MERTK: variants seen among roughly 807,000 people sequenced by gnomAD.
MERTK encodes tyrosine-protein kinase Mer.
MERTK carries 69 observed loss-of-function variants against 99.3 expected under a neutral mutation model. The observed-to-expected ratio is 0.70, with a 90% CI of 0.57 to 0.85. The LOEUF (loss-of-function observed/expected upper bound fraction) is 0.85. Ranked by LOEUF, MERTK falls within the 40% of genes least tolerant of loss-of-function variation. MERTK has a pLI of 0.00. For synonymous variants in MERTK, 426 were observed against 467.6 expected (o/e 0.91, Z 1.15); for missense variants, 1,125 against 1,249.4 (o/e 0.90, Z 1.50).
chr2:112,003,961 A>T lies in MERTK; in HGVS notation c.1844A>T (p.Lys615Ile). 1 of 1,613,550 alleles carries T rather than the reference A, an allele frequency of 6.2e-7. No homozygotes were observed. The highest frequency in any genetic ancestry group is 8.5e-7 in the Non-Finnish European group (1 of 1,179,516). The change falls in exon 13 of 19, where the codon AAA becomes ATA. Residue 615 changes from lysine to isoleucine, a missense_variant. Coordinates refer to ENST00000295408, the MANE Select transcript of MERTK (RefSeq NM_006343.3). ...AAGCAGGAAGATGGGACCTCTCTGAAAGTGGCAGTGAAGACCATGAAGTGT... is the reference window on the plus strand; with the variant it reads ...AAGCAGGAAGATGGGACCTCTCTGATAGTGGCAGTGAAGACCATGAAGTGT... ...NLKQEDGTSL[K>I]VAVKTMKLDN... is the part of the protein sequence containing the mutation.
chr2:111,987,580 G>C (rs1436399200), intron 8 of MERTK, among the ~76,000 whole-genome samples: 1 of 152,154 alleles, frequency 6.6e-6, no homozygotes, highest in African/African-American at 2.4e-5. Flanking sequence ...AAACCAGCTG[G>C]AGAATTTCTC....
At chr2:112,011,044 G>A (rs895093291) in intron 15 of MERTK, among the ~76,000 whole-genome samples, 21 of 151,608 alleles carry the variant, frequency 1.4e-4, no homozygotes, top group South Asian at 6.2e-4. Flanking sequence ...GGAAGGAACC[G>A]AACCACCCAG....
intron 6 of MERTK, among the ~76,000 whole-genome samples, chr2:111,969,942 C>T (rs1006740353): frequency 2.0e-5 from 3 of 152,046 alleles, no homozygotes; most frequent in Admixed American, 6.6e-5. Flanking sequence ...CCGCCTGTCC[C>T]GGCCTCCCAA....
At chr2:111,937,836 C>G (rs1313870963) in intron 2 of MERTK, among the ~76,000 whole-genome samples, 2 of 152,100 alleles carry the variant, frequency 1.3e-5, no homozygotes, top group African/African-American at 4.8e-5. Context: ...ACCATGTGAA[C>G]GGTGGCAGGT....
At chr2:111,915,475 T>G (rs1354470148) in intron 1 of MERTK, among the ~76,000 whole-genome samples, 7 of 152,170 alleles carry the variant, frequency 4.6e-5, no homozygotes, top group African/African-American at 9.7e-5. Context: ...TTTCCTCTAT[T>G]TTAATACTAT....
At chr2:112,025,115 C>A (rs1324464929) in intron 18 of MERTK, among the ~76,000 whole-genome samples, 1 of 152,204 alleles carries the variant, frequency 6.6e-6, no homozygotes, top group African/African-American at 2.4e-5. Flanking sequence ...GTTGGCGTGA[C>A]TTCAGTCAGT....
intron 5 of MERTK, among the ~76,000 whole-genome samples, chr2:111,966,246 C>A (rs907223773): frequency 2.0e-5 from 3 of 152,104 alleles, no homozygotes; most frequent in Non-Finnish European, 4.4e-5. Flanking sequence ...TGGGTACATA[C>A]AGAAGGAGAC....
chr2:111,920,134 G>C (rs1684428267), intron 1 of MERTK, among the ~76,000 whole-genome samples: 1 of 152,162 alleles, frequency 6.6e-6, no homozygotes, highest in Non-Finnish European at 1.5e-5. Context: ...TCCCATATTG[G>C]TTGCTTATCT....
chr2:111,973,770 T>A (rs893524505), intron 6 of MERTK, among the ~76,000 whole-genome samples: 1 of 151,964 alleles, frequency 6.6e-6, no homozygotes, highest in African/African-American at 2.4e-5. Context: ...CTTATCCCCA[T>A]ACCCAGACAG....
chr2:111,967,992 G>A (rs1685390534), intron 5 of MERTK, 145 bp from the exon 6 acceptor site: 2 of 702,076 alleles, frequency 2.8e-6, no homozygotes, highest in Admixed American at 4.0e-5. Flanking sequence ...CTCAGGCATA[G>A]GGAGGCTCCT....
chr2:112,006,191 A>G (rs2104409622), intron 13 of MERTK, among the ~76,000 whole-genome samples: 1 of 152,258 alleles, frequency 6.6e-6, no homozygotes, highest in Non-Finnish European at 1.5e-5. Flanking sequence ...CTGGAGGCTG[A>G]AGCTTAATTC....
At chr2:111,970,149 T>C (rs1041398872) in intron 6 of MERTK, among the ~76,000 whole-genome samples, 14 of 151,828 alleles carry the variant, frequency 9.2e-5, no homozygotes, top group Non-Finnish European at 1.9e-4. Context: ...TTTTGAGATA[T>C]AGTTTACTTT....
chr2:111,972,823 C>T lies in MERTK; in HGVS notation c.961-2466C>T, dbSNP rs934378784. ...TTTAACTAGGTGTCCTTTATATTCT[C>T]TTGCAGTCCCACTGGGGTTAATCAG... is the stretch of plus-strand genomic sequence containing the variant. On this transcript the variant is annotated intron_variant, in intron 6 of 18. Transcript: ENST00000295408. 7.9e-5 allele frequency among the ~76,000 whole-genome samples: 12 copies of T among 152,202 alleles called. No individual in the cohort carries two copies. In the East Asian group the frequency reaches 1.2e-3, roughly 15 times the overall value.
Position 111,982,961 on chromosome 2 carries a change from A to G in MERTK, c.1264A>G (p.Ile422Val). Residue 422 changes from isoleucine (I) to valine (V), a missense_variant, in exon 8 of 19, where the codon ATA becomes GTA. Ile to Val is a conservative substitution (Grantham distance 29). Coordinates refer to ENST00000295408, the MANE Select transcript of MERTK (RefSeq NM_006343.3). ...GGATGGAGAACTGGTGGGCTACCGG[A>G]TATCCCACGTGTGGCAGAGTGCAGG... Reference protein sequence around the residue: ...QQDGELVGYRISHVWQSAGIS... With the variant: ...QQDGELVGYRVSHVWQSAGIS... The G allele has an allele frequency of 6.2e-7, 1 of 1,614,164 alleles. No individual in the cohort carries two copies. Among genetic ancestry groups the G allele is most frequent in the Non-Finnish European group, 8.5e-7 (1 of 1,180,014 alleles).
chr2:111,989,756 AG>A (rs1676572141), intron 8 of MERTK, among the ~76,000 whole-genome samples: 1 of 152,240 alleles, frequency 6.6e-6, no homozygotes. Context: ...TGCCACACAT[AG>A]GATAAAAAAC....
intron 18 of MERTK, among the ~76,000 whole-genome samples, chr2:112,023,915 G>C (rs1384945401): frequency 1.3e-5 from 2 of 152,036 alleles, no homozygotes; most frequent in East Asian, 1.9e-4. Flanking sequence ...ACACACACAC[G>C]CCCTGCTGCC....
At position 112,010,220 on chromosome 2, in the gene MERTK, G is replaced by T. The variant is rs924829745; in HGVS notation, c.2079+154G>T. The T allele has an allele frequency of 5.8e-5, 41 of 703,596 alleles. No individual in the cohort carries two copies. The African/African-American group carries it at 6.8e-4, about 12-fold the overall frequency. 43.6% of individuals were successfully genotyped at this position (703,596 alleles called of 1,614,324 possible). A position where few individuals can be genotyped will look rare whatever the true frequency, so the allele number is the denominator to read the frequency against. ...CTGTGTGTCCAGGGTTGAAATGTGG[G>T]GTCTATCCTCACAGCAGGCCTGCTC... On this transcript the variant is annotated intron_variant, in intron 15 of 18. Transcript: ENST00000295408.
rs571353346 is a variant in MERTK, at chr2:111,929,334, G to A, written c.276G>A (p.Pro92=). The change falls in exon 2 of 19, where the codon CCG becomes CCA. Residue 92 remains proline, a synonymous_variant. Coordinates refer to ENST00000295408, the MANE Select transcript of MERTK (RefSeq NM_006343.3). ...CCTCTGTCGAATCAAAGCCCCTACC[G>A]CCTCTTGCCTTCAAACACACAGTTG... ...QVTSVESKPL[P]PLAFKHTVGH... is the part of the protein sequence containing the mutation. 1.4e-5 allele frequency: 23 copies of A among 1,613,944 alleles called. No individual in the cohort carries two copies. The highest frequency in any genetic ancestry group is 1.3e-4 in the South Asian group (12 of 91,078).
intron 4 of MERTK, among the ~76,000 whole-genome samples, chr2:111,961,890 G>C (rs987642247): frequency 2.0e-5 from 3 of 152,244 alleles, no homozygotes; most frequent in African/African-American, 7.2e-5. Flanking sequence ...TCGTGGCCAT[G>C]CAGACATCCG....
Sources: gnomAD v4.1 joint callset for allele counts (sites outside exome capture counted in the v4.1 genomes callset) on GRCh38, gnomAD v4.1.1 for gene constraint, MANE v1.5 for transcripts, NCBI Gene and HGNC (gene_info 2026-07-23, HGNC 2026-07-21) for gene names.